Variants in CORO2B observed in about 807,000 individuals in gnomAD.
CORO2B encodes coronin-2B.
CORO2B carries 26 observed loss-of-function variants against 58.8 expected under a neutral mutation model. The ratio of observed to expected loss-of-function variants is 0.44; its 90% confidence interval spans 0.32 to 0.61. CORO2B has a LOEUF of 0.61. CORO2B is among the 20% of genes least tolerant of loss of function. CORO2B has a pLI of 0.04. For synonymous variants in CORO2B, 242 were observed against 253.8 expected (o/e 0.95, Z 0.44); for missense variants, 460 against 645.1 (o/e 0.71, Z 3.11).
intron 1 of CORO2B, among the ~76,000 whole-genome samples, chr15:68,603,117 C>T (rs1432103886): frequency 1.3e-5 from 2 of 152,058 alleles, no homozygotes; most frequent in Non-Finnish European, 2.9e-5. Flanking sequence ...GAGAGTAAGA[C>T]AGATGGAGAG....
At chr15:68,592,860 T>A (rs950386807) in intron 1 of CORO2B, among the ~76,000 whole-genome samples, 8 of 152,212 alleles carry the variant, frequency 5.3e-5, no homozygotes, top group Admixed American at 5.2e-4. Flanking sequence ...GCAAATCACC[T>A]GGTGAGGTTT....
intron 2 of CORO2B, among the ~76,000 whole-genome samples, chr15:68,694,585 G>C (rs1407149874): frequency 1.3e-5 from 2 of 152,206 alleles, no homozygotes; most frequent in African/African-American, 4.8e-5. Flanking sequence ...GCTCGTGTAA[G>C]AGTATATAGG....
the CORO2B span, among the ~76,000 whole-genome samples, chr15:68,521,762 G>GTT: frequency 1.4e-5 from 2 of 144,362 alleles, no homozygotes; most frequent in Non-Finnish European, 1.5e-5. Context: ...TTTCTTTTTT[G>GTT]TTTTTTTTTT....
At chr15:68,608,536 G>A (rs966004437) in intron 1 of CORO2B, among the ~76,000 whole-genome samples, 2 of 152,228 alleles carry the variant, frequency 1.3e-5, no homozygotes, top group African/African-American at 4.8e-5. Context: ...GCGTGCGTGT[G>A]TGTGTGTTGG....
chr15:68,602,209 G>T (rs571772242), intron 1 of CORO2B, among the ~76,000 whole-genome samples: 1 of 152,118 alleles, frequency 6.6e-6, no homozygotes, highest in South Asian at 2.1e-4. Context: ...AAGTGGGAGT[G>T]GGGGGAACTG....
intron 1 of CORO2B, among the ~76,000 whole-genome samples, chr15:68,628,686 T>C (rs1233523123): frequency 2.6e-5 from 4 of 152,150 alleles, no homozygotes; most frequent in Non-Finnish European, 5.9e-5. Context: ...ATCACCACAG[T>C]TGATGGACAA....
intron 11 of CORO2B, among the ~76,000 whole-genome samples, chr15:68,721,316 G>A (rs1016671397): frequency 1.3e-5 from 2 of 152,162 alleles, no homozygotes; most frequent in Admixed American, 6.5e-5. Flanking sequence ...GGATATTCAG[G>A]GCTAGATGAA....
At chr15:68,711,774 C>T in intron 5 of CORO2B, 68 bp downstream of exon 5, 1 of 1,579,810 alleles carries the variant, frequency 6.3e-7, no homozygotes, top group East Asian at 2.2e-5. Context: ...TTTCAGCAGG[C>T]CTGGAAGAAA....
At position 68,715,307 on chromosome 15, in the gene CORO2B, C is replaced by T; in HGVS notation, c.963C>T (p.Gly321=). 1 of 1,613,722 alleles carries T rather than the reference C, an allele frequency of 6.2e-7. No homozygotes were observed. Among genetic ancestry groups the T allele is most frequent in the Non-Finnish European group, 8.5e-7 (1 of 1,179,724 alleles). ...MEFRSPAPQK[G]LGVMPKHGLD... is the part of the protein sequence containing the mutation. ...TCCGCTCCCCAGCCCCGCAGAAAGGCCTAGGTAAGTGGCCCCGAGGCTGCC... is the reference window on the plus strand; with the variant it reads ...TCCGCTCCCCAGCCCCGCAGAAAGGTCTAGGTAAGTGGCCCCGAGGCTGCC... The change falls in exon 8 of 12, where the codon GGC becomes GGT. Residue 321 remains glycine (G), a synonymous_variant. Coordinates refer to ENST00000261861, the MANE Select transcript of CORO2B (RefSeq NM_006091.5).
chr15:68,719,424 A>T lies in CORO2B; in HGVS notation c.1183A>T (p.Met395Leu). The T allele has an allele frequency of 6.2e-7, 1 of 1,613,950 alleles. No homozygotes were observed. The highest frequency in any genetic ancestry group is 8.5e-7 in the Non-Finnish European group (1 of 1,179,958). The stretch of plus-strand genomic sequence containing the variant: ...CTTGCCTTCTTTAGATCCCGTGCTG[A>T]TGTCTTTGAAAGAAGGCTATAAGAA... The part of the protein sequence containing the change: ...LGGINRDPVL[M>L]SLKEGYKKSS... Residue 395 changes from methionine to leucine, a missense_variant, in exon 11 of 12, where the codon ATG becomes TTG. By Grantham distance (15) the Met-to-Leu change is conservative. Around this residue, in one of 2 missense-constraint regions of CORO2B, gnomAD observed 352 missense variants for 543.0 expected, o/e 0.65. Transcript: ENST00000261861.
chr15:68,623,451 C>G (rs900792206), intron 1 of CORO2B, among the ~76,000 whole-genome samples: 1 of 152,170 alleles, frequency 6.6e-6, no homozygotes, highest in Non-Finnish European at 1.5e-5. Context: ...GCCAGTCTGG[C>G]CCACCCACAG....
chr15:68,672,691 C>G (rs905203003), intron 2 of CORO2B, among the ~76,000 whole-genome samples: 2 of 152,184 alleles, frequency 1.3e-5, no homozygotes, highest in Non-Finnish European at 2.9e-5. Flanking sequence ...AATGGTGCCT[C>G]TAGAACCAGG....
chr15:68,569,414 C>T, the CORO2B span, among the ~76,000 whole-genome samples: 2 of 152,232 alleles, frequency 1.3e-5, no homozygotes, highest in Admixed American at 6.5e-5. Flanking sequence ...ACTGGCTTCT[C>T]TCACTTAGTG....
At chr15:68,632,333 C>T (rs961337628) in intron 1 of CORO2B, 1 of 984,714 alleles carries the variant, frequency 1.0e-6, no homozygotes, top group African/African-American at 1.7e-5. Context: ...CATCCAGGAG[C>T]CCCACCTGGT....
upstream of CORO2B, among the ~76,000 whole-genome samples, chr15:68,575,577 G>GGCCCCCCC (rs1899265461): frequency 2.6e-5 from 1 of 38,752 alleles, no homozygotes. Flanking sequence ...CTTGTGATCT[G>GGCCCCCCC]CCCCCGCCTC....
chr15:68,543,720 A>T, the CORO2B span, among the ~76,000 whole-genome samples: 3 of 152,054 alleles, frequency 2.0e-5, no homozygotes, highest in Non-Finnish European at 2.9e-5. Flanking sequence ...CCTGCCTCTG[A>T]TCTCAGGGTC....
chr15:68,541,598 T>C, the CORO2B span, among the ~76,000 whole-genome samples: 1 of 152,222 alleles, frequency 6.6e-6, no homozygotes, highest in African/African-American at 2.4e-5. Context: ...AAACAACATC[T>C]AGAGCTAATC....
At chr15:68,621,086 G>A (rs1900503402) in intron 1 of CORO2B, among the ~76,000 whole-genome samples, 1 of 152,228 alleles carries the variant, frequency 6.6e-6, no homozygotes, top group African/African-American at 2.4e-5. Context: ...GATGAGATCG[G>A]CAGTGAATAT....
intron 1 of CORO2B, among the ~76,000 whole-genome samples, chr15:68,624,680 T>A (rs1566988392): frequency 2.0e-5 from 3 of 151,686 alleles, no homozygotes; most frequent in Non-Finnish European, 4.4e-5. Flanking sequence ...CTCTGTTTTT[T>A]TTTTTCTTTT....
Sources: allele counts gnomAD v4.1 joint callset (sites outside exome capture counted in the v4.1 genomes callset), GRCh38; gene constraint gnomAD v4.1.1; regional missense constraint gnomAD v4.1.1; transcripts MANE v1.5; gene names NCBI Gene and HGNC (gene_info 2026-07-23, HGNC 2026-07-21).